The following CDC42BPA variants were observed in gnomAD, a reference collection of about 807,000 sequenced individuals.
CDC42BPA encodes the protein serine/threonine-protein kinase MRCK alpha.
A neutral mutation model predicts 223.5 loss-of-function variants in CDC42BPA; 80 were observed. The observed-to-expected ratio is 0.36, with a 90% CI of 0.30 to 0.43. The LOEUF (loss-of-function observed/expected upper bound fraction) is 0.43, where lower values mean the gene tolerates loss of function less well. Among genes scored for constraint, CDC42BPA ranks in the 20% least tolerant of loss-of-function variants. The probability of loss-of-function intolerance (pLI) is 1.00; values close to 1 mark genes in which losing one functional copy is unlikely to be tolerated. For synonymous variants in CDC42BPA, 694 were observed against 718.6 expected, an observed-to-expected ratio of 0.97 and a Z score of 0.55; for missense variants, 1,743 against 2,099.9, an observed-to-expected ratio of 0.83 and a Z score of 3.32.
intron 5 of CDC42BPA, among the ~76,000 whole-genome samples, chr1:227,189,537 A>T (rs1669372597): frequency 6.6e-6 from 1 of 152,224 alleles, no homozygotes; most frequent in Non-Finnish European, 1.5e-5. Context: ...CAAGCAGAGT[A>T]AACATTATTT....
chr1:227,138,811 T>G (rs1659141026), intron 10 of CDC42BPA, among the ~76,000 whole-genome samples: 1 of 152,056 alleles, frequency 6.6e-6, no homozygotes. Context: ...CAAAGGTATT[T>G]GACAAAGAGA....
At chr1:227,125,872 T>C (rs1247683450) in intron 11 of CDC42BPA, among the ~76,000 whole-genome samples, 3 of 152,132 alleles carry the variant, frequency 2.0e-5, no homozygotes, top group South Asian at 2.1e-4. Flanking sequence ...TTACAGCATA[T>C]TTAATTTTAC....
intron 22 of CDC42BPA, among the ~76,000 whole-genome samples, chr1:227,048,319 T>C (rs1558373261): frequency 1.3e-5 from 2 of 151,948 alleles, no homozygotes; most frequent in Non-Finnish European, 2.9e-5. Context: ...CCTACATAAA[T>C]ATGAGGATAT....
rs868196351 is a variant in CDC42BPA at position 227,278,000 on chromosome 1, C to T, written c.179-23845G>A. Among the ~76,000 whole-genome samples, 4 of 152,208 alleles carry T rather than the reference C, an allele frequency of 2.6e-5. No homozygotes were observed. The South Asian group carries it at 6.2e-4, about 24-fold the overall frequency. On this transcript the variant is annotated intron_variant, in intron 1 of 36. Coordinates refer to ENST00000366766, the MANE Select transcript of CDC42BPA (RefSeq NM_001394014.1). Reference sequence around the variant, plus strand: ...TCCTGACCTCGTGATCCAGCCACCTCGGCCTTCCTAAGTGCTGGGATTACA... The same window carrying T: ...TCCTGACCTCGTGATCCAGCCACCTTGGCCTTCCTAAGTGCTGGGATTACA...
chr1:227,055,561 C>G (rs946099322), intron 21 of CDC42BPA, among the ~76,000 whole-genome samples: 1 of 151,884 alleles, frequency 6.6e-6, no homozygotes, highest in Non-Finnish European at 1.5e-5. Context: ...TGATTAATAC[C>G]ATTAGTTATT....
At chr1:227,051,228 C>G (rs1332366906) in intron 22 of CDC42BPA, among the ~76,000 whole-genome samples, 1 of 152,142 alleles carries the variant, frequency 6.6e-6, no homozygotes, top group Admixed American at 6.5e-5. Context: ...TGTCTGAATC[C>G]TGATGCTGAA....
At chr1:227,228,549 G>T (rs570597137) in intron 2 of CDC42BPA, among the ~76,000 whole-genome samples, 1 of 152,116 alleles carries the variant, frequency 6.6e-6, no homozygotes, top group Non-Finnish European at 1.5e-5. Context: ...TACACATGTC[G>T]GAGTAGAATT....
intron 9 of CDC42BPA, among the ~76,000 whole-genome samples, chr1:227,141,868 C>A (rs1462797718): frequency 6.6e-6 from 1 of 152,162 alleles, no homozygotes; most frequent in Non-Finnish European, 1.5e-5. Context: ...ACTCAGGAGG[C>A]TGAGGCAGGG....
At chr1:227,012,913 AAAGT>A (rs1232634265) in intron 34 of CDC42BPA, among the ~76,000 whole-genome samples, 1 of 152,142 alleles carries the variant, frequency 6.6e-6, no homozygotes, top group African/African-American at 2.4e-5. Flanking sequence ...TTCCGGGCAC[AAAGT>A]AAGTGCTCAA....
intron 3 of CDC42BPA, among the ~76,000 whole-genome samples, chr1:227,200,727 G>A (rs1258023009): frequency 6.6e-6 from 1 of 151,992 alleles, no homozygotes; most frequent in Non-Finnish European, 1.5e-5. Context: ...ACACTTAGAA[G>A]TAGAAATGCT....
chr1:227,017,246 T>A (rs531173424), intron 32 of CDC42BPA, among the ~76,000 whole-genome samples, 196 bp from the exon 33 acceptor site: 1 of 152,212 alleles, frequency 6.6e-6, no homozygotes, highest in Non-Finnish European at 1.5e-5. Context: ...AAAGTAAACA[T>A]AGCTTACAAA....
chr1:227,024,866 G>A (rs1464147084), intron 31 of CDC42BPA, among the ~76,000 whole-genome samples: 1 of 152,208 alleles, frequency 6.6e-6, no homozygotes, highest in Non-Finnish European at 1.5e-5. Context: ...TAGGAGGTAG[G>A]TTCATGAGTG....
chr1:227,093,036 C>G (rs4653790), intron 15 of CDC42BPA, among the ~76,000 whole-genome samples: 1 of 152,082 alleles, frequency 6.6e-6, no homozygotes, highest in East Asian at 1.9e-4. Flanking sequence ...TTATCCCTAC[C>G]ATGTCTCCTT....
At chr1:227,126,339 C>A (rs1197487138) in intron 11 of CDC42BPA, among the ~76,000 whole-genome samples, 1 of 152,054 alleles carries the variant, frequency 6.6e-6, no homozygotes, top group Non-Finnish European at 1.5e-5. Flanking sequence ...CTCCTGACTG[C>A]AAGGTTGCTT....
intron 3 of CDC42BPA, among the ~76,000 whole-genome samples, chr1:227,208,701 T>G (rs1240690616): frequency 6.6e-6 from 1 of 151,854 alleles, no homozygotes; most frequent in East Asian, 1.9e-4. Context: ...CTCTGTTCTG[T>G]TCCACTGATC....
intron 2 of CDC42BPA, among the ~76,000 whole-genome samples, chr1:227,215,874 T>C (rs766736555): frequency 7.9e-5 from 12 of 152,214 alleles, no homozygotes; most frequent in Non-Finnish European, 1.5e-4. Context: ...CAACTGAATA[T>C]ATCTATATAC....
intron 17 of CDC42BPA, among the ~76,000 whole-genome samples, chr1:227,077,709 C>T (rs190114918): frequency 6.6e-6 from 1 of 152,220 alleles, no homozygotes; most frequent in African/African-American, 2.4e-5. Flanking sequence ...CTCAGTCTTA[C>T]CAACAAACAA....
At chr1:227,120,209 C>T (rs547399434) in intron 11 of CDC42BPA, among the ~76,000 whole-genome samples, 9 of 150,258 alleles carry the variant, frequency 6.0e-5, no homozygotes, top group Admixed American at 1.3e-4. Flanking sequence ...ACAGCACCTT[C>T]GGAAAAATTA....
At chr1:227,001,743 C>A (rs1662894317) in intron 35 of CDC42BPA, among the ~76,000 whole-genome samples, 1 of 151,972 alleles carries the variant, frequency 6.6e-6, no homozygotes. Context: ...CCCGTCTCTA[C>A]TAAAAATACA....
Sources: gnomAD v4.1 joint callset for allele counts (sites outside exome capture counted in the v4.1 genomes callset) on GRCh38, gnomAD v4.1.1 for gene constraint, MANE v1.5 for transcripts, NCBI Gene and HGNC (gene_info 2026-07-23, HGNC 2026-07-21) for gene names.